BCAS3: variants seen among roughly 807,000 people sequenced by gnomAD.
The protein encoded by BCAS3 is BCAS4/BCAS3 fusion.
A neutral mutation model predicts 116.1 loss-of-function variants in BCAS3; 53 were observed. The observed-to-expected ratio is 0.46, with a 90% confidence interval of 0.37 to 0.57. BCAS3 has a LOEUF of 0.57. Among genes scored for constraint, BCAS3 ranks in the 20% least tolerant of loss-of-function variants. The pLI is 0.00. For missense variants in BCAS3, 917 were observed against 1,165.4 expected, an observed-to-expected ratio of 0.79 and a Z score of 3.10; for synonymous variants, 391 against 408.2, an observed-to-expected ratio of 0.96 and a Z score of 0.51.
intron 7 of BCAS3, chr17:60,851,444 G>C (rs1599156579): frequency 2.1e-6 from 1 of 469,758 alleles, no homozygotes; most frequent in Non-Finnish European, 4.3e-6. Context: ...AGAGGAGATC[G>C]CCGCGGTTGT....
At chr17:60,973,076 A>G (rs1030455746) in intron 14 of BCAS3, among the ~76,000 whole-genome samples, 3 of 152,136 alleles carry the variant, frequency 2.0e-5, no homozygotes, top group Non-Finnish European at 4.4e-5. Flanking sequence ...ACATTTAACA[A>G]TGGTTTTTTA....
rs572988855 is a variant in BCAS3, at chr17:61,156,841, G to A, written c.2425+72277G>A. On this transcript the variant is annotated intron_variant, in intron 22 of 23. Transcript: ENST00000407086. This position sits in a 1 kb window ranked among gnomAD's most constrained non-coding sequence, Gnocchi z 4.7. Reference sequence around the variant, plus strand: ...GCTGGTACATACAGACCACCTCAACGATGGACTCCTTTATGAATGATTTAG... The same window carrying A: ...GCTGGTACATACAGACCACCTCAACAATGGACTCCTTTATGAATGATTTAG... Among the ~76,000 whole-genome samples, 5 of 152,022 alleles carry A rather than the reference G, an allele frequency of 3.3e-5. No homozygotes were observed. Among genetic ancestry groups the A allele is most frequent in the South Asian group, 2.1e-4 (1 of 4,822 alleles).
rs2059970963 is a variant in BCAS3, at chr17:61,388,628, AG to A, written c.2594-3347del. ...TTTTCTTTTCAAAAGGGAAAAAAAA[AG>A]GAAAAAAAAAACAATGCCAACAGCC... On this transcript the variant is annotated intron_variant, in intron 23 of 23. Coordinates refer to ENST00000407086, the MANE Select transcript of BCAS3 (RefSeq NM_017679.5). This position sits in a 1 kb window ranked among gnomAD's most constrained non-coding sequence, Gnocchi z 6.5. The A allele has an allele frequency of 6.5e-7, 1 of 1,534,638 alleles. No individual in the cohort carries two copies. Among genetic ancestry groups the A allele is most frequent in the South Asian group, 1.2e-5 (1 of 83,242 alleles).
At chr17:60,837,094 CA>C (rs958221571) in intron 7 of BCAS3, among the ~76,000 whole-genome samples, 8 of 152,030 alleles carry the variant, frequency 5.3e-5, no homozygotes, top group African/African-American at 1.9e-4. Flanking sequence ...GCTGCATTGT[CA>C]AATGATTGCA....
chr17:61,011,010 T>C (rs1456471060), intron 15 of BCAS3, among the ~76,000 whole-genome samples: 4 of 152,034 alleles, frequency 2.6e-5, no homozygotes, highest in African/African-American at 7.2e-5. Context: ...CATTTGTCAC[T>C]TACAGGTCTC....
At chr17:60,680,547 G>C (rs974765586) in intron 2 of BCAS3, among the ~76,000 whole-genome samples, 4 of 152,010 alleles carry the variant, frequency 2.6e-5, no homozygotes, top group Non-Finnish European at 5.9e-5. Context: ...AAGTGTCATA[G>C]TATATGTCTC....
intron 22 of BCAS3, among the ~76,000 whole-genome samples, chr17:61,089,711 T>C (rs1255475341): frequency 6.6e-6 from 1 of 151,726 alleles, no homozygotes; most frequent in Non-Finnish European, 1.5e-5. Context: ...TTTGTATTTT[T>C]AGTAGAGTCG....
chr17:60,952,431 T>G, intron 14 of BCAS3, among the ~76,000 whole-genome samples: 1 of 152,020 alleles, frequency 6.6e-6, no homozygotes, highest in Non-Finnish European at 1.5e-5. Flanking sequence ...GTGATTCTCC[T>G]GTCTCAGCCT....
chr17:61,204,009 G>C lies in BCAS3; in HGVS notation c.2425+119445G>C, dbSNP rs1008093898. On this transcript the variant is annotated intron_variant, in intron 22 of 23. Coordinates refer to ENST00000407086, the MANE Select transcript of BCAS3 (RefSeq NM_017679.5). This position sits in a 1 kb window ranked among gnomAD's most constrained non-coding sequence, Gnocchi z 4.2. ...CTGGGGTTTTGGCAGCCTGTCCTCG[G>C]GTTGTTCAGCCTGGTGACCCTAGCC... Among the ~76,000 whole-genome samples the C allele has an allele frequency of 6.6e-6, 1 of 152,162 alleles. No individual in the cohort carries two copies. Among genetic ancestry groups the C allele is most frequent in the South Asian group, 2.1e-4 (1 of 4,814 alleles).
chr17:61,078,292 G>T, intron 20 of BCAS3, 41 bp from the exon 21 acceptor site: 2 of 1,507,510 alleles, frequency 1.3e-6, no homozygotes, highest in Non-Finnish European at 1.8e-6. Flanking sequence ...CTCAAATCAG[G>T]ATCACAAACC....
At chr17:61,102,743 G>A (rs752161916) in intron 22 of BCAS3, among the ~76,000 whole-genome samples, 13 of 152,054 alleles carry the variant, frequency 8.5e-5, no homozygotes, top group Non-Finnish European at 1.8e-4. Flanking sequence ...CATAAGAAGA[G>A]TATAGGAACA....
chr17:60,896,618 T>G (rs940493492), intron 10 of BCAS3, among the ~76,000 whole-genome samples: 1 of 152,008 alleles, frequency 6.6e-6, no homozygotes, highest in South Asian at 2.1e-4. Flanking sequence ...TTAGAGTCTG[T>G]TTTATCTAAT....
intron 22 of BCAS3, among the ~76,000 whole-genome samples, chr17:61,103,411 T>G (rs1319677881): frequency 1.3e-5 from 2 of 152,186 alleles, no homozygotes; most frequent in Admixed American, 6.6e-5. Flanking sequence ...GAACTCCTAC[T>G]GACCTGAAAT....
intron 7 of BCAS3, among the ~76,000 whole-genome samples, chr17:60,849,952 C>G (rs2052926051): frequency 6.6e-6 from 1 of 152,070 alleles, no homozygotes; most frequent in Admixed American, 6.5e-5. Context: ...GAGATAGGGT[C>G]TTGCTACATT....
At chr17:61,045,943 T>TATTATATATAAATATATATATAA (rs1555685204) in intron 19 of BCAS3, among the ~76,000 whole-genome samples, 1 of 16,624 alleles carries the variant, frequency 6.0e-5, no homozygotes, top group African/African-American at 7.0e-4. Flanking sequence ...AATATATATA[T>TATTATATATAAATATATATATAA]TATATATATA....
Position 60,917,468 on chromosome 17 carries a change from T to A in BCAS3, c.993+6766T>A, listed in dbSNP as rs150506341. Among the ~76,000 whole-genome samples, 309 of 152,372 alleles carry A rather than the reference T, an allele frequency of 2.0e-3. 2 individuals carry two copies. The highest frequency in any genetic ancestry group is 7.0e-3 in the African/African-American group (291 of 41,586). On this transcript the variant is annotated intron_variant, in intron 12 of 23. Transcript: ENST00000407086. ...GCATAATATTTTCAAGGTTCATACC[T>A]GTCGTAACATATATCAGAATTTCAT...
At chr17:60,782,618 G>A (rs1215643614) in intron 6 of BCAS3, among the ~76,000 whole-genome samples, 1 of 149,922 alleles carries the variant, frequency 6.7e-6, no homozygotes, top group Non-Finnish European at 1.5e-5. Context: ...ATGGAGTCTT[G>A]CTCTGTCGCC....
chr17:60,686,573 T>G (rs1333763546), intron 3 of BCAS3, among the ~76,000 whole-genome samples: 1 of 152,138 alleles, frequency 6.6e-6, no homozygotes, highest in Non-Finnish European at 1.5e-5. Flanking sequence ...TCGCCCAGGC[T>G]GGAGTGCAAT....
chr17:61,078,290 A>G, intron 20 of BCAS3, 43 bp from the exon 21 acceptor site: 1 of 1,491,250 alleles, frequency 6.7e-7, no homozygotes, highest in Non-Finnish European at 9.2e-7. Flanking sequence ...CTCTCAAATC[A>G]GGATCACAAA....
Sources: allele counts gnomAD v4.1 joint callset (sites outside exome capture counted in the v4.1 genomes callset), GRCh38; gene constraint gnomAD v4.1.1; non-coding constraint Gnocchi (gnomAD v3.1); transcripts MANE v1.5; gene names NCBI Gene and HGNC (gene_info 2026-07-23, HGNC 2026-07-21).